IL3RA: variants seen among roughly 807,000 people sequenced by gnomAD.
IL3RA encodes interleukin 3 receptor subunit alpha.
IL3RA carries 73 observed loss-of-function variants against 52.3 expected under a neutral mutation model. That is an observed-to-expected ratio of 1.40 (90% CI 1.16 to 1.70). IL3RA has a LOEUF of 1.70. Ranked by LOEUF, IL3RA falls within the 40% of genes most tolerant of loss-of-function variation. The pLI is 0.00. For synonymous variants in IL3RA, 260 were observed against 194.0 expected (o/e 1.34, Z -2.83); for missense variants, 664 against 504.4 (o/e 1.32, Z -3.03).
intron 4 of IL3RA, among the ~76,000 whole-genome samples, chrX:1,350,920 C>A (rs1213826126): frequency 6.7e-6 from 1 of 149,360 alleles, no homozygotes; most frequent in African/African-American, 2.5e-5. Flanking sequence ...CACACGCACA[C>A]ACACACAAAC....
chrX:1,341,999 T>A (rs1205125524), intron 2 of IL3RA, among the ~76,000 whole-genome samples, 170 bp downstream of exon 2: 1 of 151,938 alleles, frequency 6.6e-6, no homozygotes, highest in East Asian at 1.9e-4. Context: ...GTCACCAAGT[T>A]CCCTGTAATG....
At position 1,348,454 on chromosome X, in the gene IL3RA, G is replaced by A. The variant is rs141173715; in HGVS notation, c.207G>A (p.Gln69=). 1.9e-6 allele frequency: 3 copies of A among 1,613,842 alleles called. No homozygotes were observed. Among genetic ancestry groups the A allele is most frequent in the Non-Finnish European group, 2.5e-6 (3 of 1,179,776 alleles). ...SMPAVNNSYC[Q]FGAISLCEVT... ...AGGCAGTGAACAATAGCTATTGCCA[G>A]TTTGGAGCAATTTCCTTATGTGAAG... is the stretch of plus-strand genomic sequence containing the variant. The change falls in exon 4 of 12, where the codon CAG becomes CAA. Residue 69 remains glutamine (Q), a synonymous_variant. Transcript: ENST00000331035.
At position 1,348,545 on chromosome X, in the gene IL3RA, A is replaced by T. The variant is rs1233434847; in HGVS notation, c.298A>T (p.Ser100Cys). 6.2e-7 allele frequency: 1 copy of T among 1,607,710 alleles called. No homozygotes were observed. Residue 100 changes from serine to cysteine, a missense_variant and splice_region_variant, in exon 4 of 12, where the codon AGT becomes TGT. Physicochemically the swap from Ser to Cys is moderately radical, Grantham distance 112. Coordinates refer to ENST00000331035, the MANE Select transcript of IL3RA (RefSeq NM_002183.4). The stretch of plus-strand genomic sequence containing the variant: ...CACGTGGATCCTCTTCCCTGAGAAC[A>T]GTGAGAAAAATGTTCATTGTTTGTT... The part of the protein sequence containing the change: ...FSTWILFPEN[S>C]GKPWAGAENL...
chrX:1,357,600 G>C (rs1467173247), intron 7 of IL3RA, among the ~76,000 whole-genome samples: 2 of 151,428 alleles, frequency 1.3e-5, no homozygotes, highest in Non-Finnish European at 2.9e-5. Flanking sequence ...CTGACCTCAT[G>C]ATCCACCCGC....
chrX:1,343,006 A>T (rs17879066), intron 2 of IL3RA, among the ~76,000 whole-genome samples: 17 of 150,762 alleles, frequency 1.1e-4, no homozygotes, highest in South Asian at 4.2e-4. Flanking sequence ...ACCCGGGAGG[A>T]GGAGGTTGCA....
chrX:1,359,047 C>A (rs559412072), intron 8 of IL3RA, among the ~76,000 whole-genome samples, 160 bp downstream of exon 8: 12 of 152,058 alleles, frequency 7.9e-5, no homozygotes, highest in African/African-American at 2.9e-4. Flanking sequence ...CAGTGACTTT[C>A]ATTGGACAGA....
intron 1 of IL3RA, among the ~76,000 whole-genome samples, chrX:1,337,297 G>C (rs1276683697): frequency 6.6e-6 from 1 of 152,218 alleles, no homozygotes; most frequent in Non-Finnish European, 1.5e-5. Context: ...TTATTAGAAA[G>C]CGCTGGTTCA....
At chrX:1,364,312 A>G (rs2149109417) in intron 8 of IL3RA, among the ~76,000 whole-genome samples, 2 of 151,414 alleles carry the variant, frequency 1.3e-5, no homozygotes, top group East Asian at 3.9e-4. Flanking sequence ...ACCAACATGG[A>G]GAAACCCCGA....
chrX:1,361,255 C>G (rs1156629969), intron 8 of IL3RA, among the ~76,000 whole-genome samples: 1 of 148,290 alleles, frequency 6.7e-6, no homozygotes, highest in African/African-American at 2.6e-5. Context: ...GTGATTGTCT[C>G]TTTCTTTCTC....
chrX:1,361,279 C>G (rs1338221848), intron 8 of IL3RA, among the ~76,000 whole-genome samples: 6 of 152,044 alleles, frequency 3.9e-5, no homozygotes, highest in Non-Finnish European at 8.8e-5. Flanking sequence ...CTCTGTCTGT[C>G]TGTCCCCCTG....
At chrX:1,342,836 G>A (rs2085543886) in intron 2 of IL3RA, among the ~76,000 whole-genome samples, 1 of 151,586 alleles carries the variant, frequency 6.6e-6, no homozygotes, top group South Asian at 2.1e-4. Flanking sequence ...CACTTTGGGA[G>A]GCCAAGGCAG....
At chrX:1,378,583 C>T in intron 9 of IL3RA, 76 bp from the exon 10 acceptor site, 2 of 1,272,878 alleles carry the variant, frequency 1.6e-6, no homozygotes, top group Non-Finnish European at 2.2e-6. Flanking sequence ...CTTCCCAGGG[C>T]CCCGGGGAGA....
chrX:1,345,770 G>A (rs1292620612), intron 3 of IL3RA, among the ~76,000 whole-genome samples: 7 of 151,896 alleles, frequency 4.6e-5, no homozygotes, highest in South Asian at 2.1e-4. Context: ...GATTACAGGC[G>A]CGAGTCACCG....
At chrX:1,354,112 T>C (rs1211144129) in intron 6 of IL3RA, among the ~76,000 whole-genome samples, 28 of 149,618 alleles carry the variant, frequency 1.9e-4, no homozygotes, top group Admixed American at 6.6e-5. Context: ...TCATGGGTCA[T>C]GGGTCCCATC....
chrX:1,351,514 AGGCAGG>A (rs1421269123), intron 4 of IL3RA, among the ~76,000 whole-genome samples: 1 of 148,808 alleles, frequency 6.7e-6, no homozygotes, highest in African/African-American at 2.5e-5. Context: ...TTTTTAGTAG[AGGCAGG>A]GTTTCACCAT....
At chrX:1,347,641 A>C (rs1412371424) in intron 3 of IL3RA, among the ~76,000 whole-genome samples, 8 of 151,750 alleles carry the variant, frequency 5.3e-5, no homozygotes, top group Admixed American at 5.3e-4. Context: ...AAAGAAACAA[A>C]AAACAAACAA....
intron 7 of IL3RA, 28 bp from the exon 8 acceptor site, chrX:1,358,833 C>T: frequency 6.2e-7 from 1 of 1,613,030 alleles, no homozygotes; most frequent in East Asian, 2.2e-5. Context: ...TCCAGACACT[C>T]AAAAGTTTGC....
At chrX:1,379,660 G>A (rs1485872439) in intron 10 of IL3RA, among the ~76,000 whole-genome samples, 4 of 152,252 alleles carry the variant, frequency 2.6e-5, no homozygotes, top group Non-Finnish European at 4.4e-5. Flanking sequence ...TGGTCGGGAA[G>A]GGGCCTGGGC....
intron 8 of IL3RA, among the ~76,000 whole-genome samples, chrX:1,359,402 CCTCT>C (rs1253667525): frequency 6.6e-6 from 1 of 152,048 alleles, no homozygotes; most frequent in Non-Finnish European, 1.5e-5. Flanking sequence ...TTCTCTGTCC[CCTCT>C]CTCTCTGTCC....
Sources: gnomAD v4.1 joint callset for allele counts (sites outside exome capture counted in the v4.1 genomes callset) on GRCh38, gnomAD v4.1.1 for gene constraint, MANE v1.5 for transcripts, NCBI Gene and HGNC (gene_info 2026-07-23, HGNC 2026-07-21) for gene names.